Variants in LAMA5 observed in about 807,000 individuals in gnomAD.
LAMA5 encodes laminin subunit alpha-5.
LAMA5 carries 260 observed loss-of-function variants against 433.4 expected under a neutral mutation model. The observed-to-expected ratio is 0.60, with a 90% confidence interval of 0.54 to 0.66. LAMA5 has a LOEUF of 0.66. LAMA5 is among the 30% of genes least tolerant of loss of function. LAMA5 has a pLI of 0.00. For missense variants in LAMA5, 5,378 were observed against 5,258.5 expected, an observed-to-expected ratio of 1.02 and a Z score of -0.70; for synonymous variants, 2,620 against 2,226.6, an observed-to-expected ratio of 1.18 and a Z score of -4.97.
rs371152952 is a variant in LAMA5, at chr20:62,317,010, C to T, written c.7525G>A (p.Val2509Ile). The change falls in exon 56 of 80, where the codon GTC becomes ATC. Residue 2509 changes from valine (V) to isoleucine (I), a missense_variant. Physicochemically the swap from Val to Ile is conservative, Grantham distance 29. Transcript: ENST00000252999. ...ALNLSSIILD[V>I]NQDRLTQRAI... ...CTCTGGGTGAGGCGGTCCTGGTTGA[C>T]GTCCAGGATGATGCTGCAGCGGAAG... 32 of 1,533,330 alleles carry T rather than the reference C, an allele frequency of 2.1e-5. No homozygotes were observed. Among genetic ancestry groups the T allele is most frequent in the East Asian group, 2.1e-4 (9 of 43,768 alleles). The allele number at this position is 1,533,330 out of a possible 1,614,324, so 95.0% of individuals were successfully genotyped here. A position where few individuals can be genotyped will look rare whatever the true frequency, so the allele number is the denominator to read the frequency against.
intron 57 of LAMA5, 87 bp downstream of exon 57, chr20:62,316,584 A>T: frequency 1.9e-6 from 2 of 1,026,638 alleles, no homozygotes; most frequent in Non-Finnish European, 1.4e-6. Context: ...CACAAACCCC[A>T]CGTGTGCATG....
At position 62,333,666 on chromosome 20, in the gene LAMA5, C is replaced by A; in HGVS notation, c.2919G>T (p.Thr973=). The change falls in exon 24 of 80, where the codon ACG becomes ACT. Residue 973 remains threonine (T), a synonymous_variant. Transcript: ENST00000252999. The part of the protein sequence containing the change: ...QSQPVAFPPS[T]EPAFITVPQR... ...GGGGCACGGTGATGAAGGCAGGCTC[C>A]GTGCTGGGTGGGAAGGCCACGGGCT... is the stretch of plus-strand genomic sequence containing the variant. 1 of 1,594,942 alleles carries A rather than the reference C, an allele frequency of 6.3e-7. No individual in the cohort carries two copies.
At chr20:62,364,099 C>A (rs1048610986) in intron 1 of LAMA5, among the ~76,000 whole-genome samples, 1 of 152,342 alleles carries the variant, frequency 6.6e-6, no homozygotes, top group Admixed American at 6.5e-5. Context: ...CCCCAGCTCA[C>A]CACCTAAGCA....
intron 40 of LAMA5, 24 bp downstream of exon 40, chr20:62,326,653 G>T (rs756389363): frequency 1.3e-6 from 2 of 1,599,038 alleles, no homozygotes; most frequent in Non-Finnish European, 8.6e-7. Flanking sequence ...GAGGGACCTG[G>T]GTGCCCAAGC....
intron 18 of LAMA5, among the ~76,000 whole-genome samples, chr20:62,335,606 G>A (rs1981441033): frequency 7.8e-6 from 1 of 127,776 alleles, no homozygotes; most frequent in African/African-American, 3.2e-5. Flanking sequence ...ACACCCTCAT[G>A]GGTACAATCC....
At position 62,314,540 on chromosome 20, in the gene LAMA5, C is replaced by A; in HGVS notation, c.8367+15G>T. 1 of 1,605,990 alleles carries A rather than the reference C, an allele frequency of 6.2e-7. No individual in the cohort carries two copies. Among genetic ancestry groups the A allele is most frequent in the South Asian group, 1.1e-5 (1 of 90,632 alleles). On this transcript the variant is annotated intron_variant, in intron 61 of 79. Coordinates refer to ENST00000252999, the MANE Select transcript of LAMA5 (RefSeq NM_005560.6). Reference sequence around the variant, plus strand: ...AGCCTGAGCTCGGGCCGCATCCACCCAGCCAGCCTGGTACCTGGCGGCTGC... The same window carrying A: ...AGCCTGAGCTCGGGCCGCATCCACCAAGCCAGCCTGGTACCTGGCGGCTGC...
chr20:62,322,058 C>T lies in LAMA5; in HGVS notation c.6457G>A (p.Val2153Ile), dbSNP rs997126869. 5 of 1,599,822 alleles carry T rather than the reference C, an allele frequency of 3.1e-6. No individual in the cohort carries two copies. Among genetic ancestry groups the T allele is most frequent in the Non-Finnish European group, 4.2e-6 (5 of 1,179,476 alleles). ...CTGTGGCCCACAGGCCCGCCTGGAA[C>T]AGGCACCTGATGCTGCTGGCTGCAG... ...DTCSQQHQVP[V>I]PGGPVGHSIH... is the part of the protein sequence containing the mutation. Residue 2153 changes from valine (V) to isoleucine (I), a missense_variant, in exon 48 of 80, where the codon GTT (valine) becomes ATT (isoleucine). Val to Ile is a conservative substitution (Grantham distance 29). Coordinates refer to ENST00000252999, the MANE Select transcript of LAMA5 (RefSeq NM_005560.6).
Position 62,322,683 on chromosome 20 carries a change from G to A in LAMA5, c.6140C>T (p.Thr2047Ile), listed in dbSNP as rs1203969019. The A allele has an allele frequency of 8.3e-6, 12 of 1,438,232 alleles. No homozygotes were observed. The Admixed American group carries it at 1.9e-4, about 23-fold the overall frequency. 89.1% of individuals were successfully genotyped at this position (1,438,232 alleles called of 1,614,324 possible). ...CTGGCAGCGGTCACAGCGCCGCCCA[G>A]TCACGCCCGCCTTGCACAGGCAGTG... Reference protein sequence around the residue: ...SGHCLCKAGVTGRRCDRCQEG... With the variant: ...SGHCLCKAGVIGRRCDRCQEG... Residue 2047 changes from threonine to isoleucine, a missense_variant, in exon 46 of 80, where the codon ACT becomes ATT. Transcript: ENST00000252999.
Position 62,334,514 on chromosome 20 carries a change from G to T in LAMA5, c.2582+8C>A, listed in dbSNP as rs1981170163. ...CTCCCCACCACCCAGTGGGGAAGGG[G>T]TACCCACTCGCTGCAGGTGGGGCCC... On this transcript the variant is annotated splice_region_variant and intron_variant, in intron 21 of 79. Transcript: ENST00000252999. 6.5e-7 allele frequency: 1 copy of T among 1,546,538 alleles called. No individual in the cohort carries two copies. Among genetic ancestry groups the T allele is most frequent in the Non-Finnish European group, 8.7e-7 (1 of 1,145,716 alleles).
intron 51 of LAMA5, 97 bp downstream of exon 51, chr20:62,319,587 C>A: frequency 1.2e-6 from 1 of 820,214 alleles, no homozygotes; most frequent in Non-Finnish European, 2.0e-6. Context: ...ACAGATCCTG[C>A]CTGTTCTTCC....
At chr20:62,341,646 G>C (rs1009266472) in intron 11 of LAMA5, among the ~76,000 whole-genome samples, 1 of 152,012 alleles carries the variant, frequency 6.6e-6, no homozygotes, top group African/African-American at 2.4e-5. Flanking sequence ...AATAACTCAA[G>C]AAGCTATTTT....
rs200954816 is a variant in LAMA5, at chr20:62,310,588, G to T, written c.10447-16C>A. 1 of 1,566,900 alleles carries T rather than the reference G, an allele frequency of 6.4e-7. No individual in the cohort carries two copies. The highest frequency in any genetic ancestry group is 1.2e-5 in the South Asian group (1 of 83,784). ...CGACGGTCACCTATAGGAGCAGACC[G>T]GGCAGGGATCAGGGCCCAGGGCAGC... On this transcript the variant is annotated splice_polypyrimidine_tract_variant and intron_variant, in intron 75 of 79. Transcript: ENST00000252999.
intron 11 of LAMA5, among the ~76,000 whole-genome samples, chr20:62,341,678 A>C (rs1017625573): frequency 6.6e-6 from 1 of 152,196 alleles, no homozygotes; most frequent in Non-Finnish European, 1.5e-5. Flanking sequence ...AAATCAAAGA[A>C]AGTGGATTAA....
In LAMA5 at chr20:62,320,655, G is replaced by C. The variant is rs145502915; in HGVS notation, c.6663C>G (p.Ser2221Arg). The C allele has an allele frequency of 6.8e-6, 11 of 1,608,372 alleles. No individual in the cohort carries two copies. The South Asian group carries it at 9.9e-5, about 15-fold the overall frequency. ...CCGTCTCATGGCGGGGGCCCAGGGG[G>C]CTCCGGAGCTGGCTCTGTGGGAGGC... ...SIADLQSQLR[S>R]PLGPRHETAQ... Residue 2221 changes from serine to arginine, a missense_variant, in exon 50 of 80, where the codon AGC (serine) becomes AGG (arginine). Coordinates refer to ENST00000252999, the MANE Select transcript of LAMA5 (RefSeq NM_005560.6).
At position 62,322,286 on chromosome 20, in the gene LAMA5, G is replaced by A. The variant is rs759093769; in HGVS notation, c.6329C>T (p.Pro2110Leu). 2.5e-6 allele frequency: 4 copies of A among 1,598,778 alleles called. No individual in the cohort carries two copies. The South Asian group carries it at 4.5e-5, about 18-fold the overall frequency. Residue 2110 changes from proline to leucine, a missense_variant, in exon 47 of 80, where the codon CCT (proline) becomes CTT (leucine). Pro to Leu is a moderately conservative substitution (Grantham distance 98). Coordinates refer to ENST00000252999, the MANE Select transcript of LAMA5 (RefSeq NM_005560.6). ...GCACTCACGCCTGCAGCCCTGCTCA[G>A]GGAGCCCCCAGTAGCCAGGGGCACA... ...RECAPGYWGLPEQGCRRCQCP... is the reference protein window; with the variant it reads ...RECAPGYWGLLEQGCRRCQCP...
At chr20:62,352,855 A>C (rs1442479422) in intron 3 of LAMA5, 1 of 420,386 alleles carries the variant, frequency 2.4e-6, no homozygotes, top group African/African-American at 2.0e-5. Flanking sequence ...TTTTGTCACC[A>C]CGGGAGCTGC....
At chr20:62,339,394 C>T (rs1342857302) in intron 11 of LAMA5, among the ~76,000 whole-genome samples, 1 of 151,842 alleles carries the variant, frequency 6.6e-6, no homozygotes, top group Non-Finnish European at 1.5e-5. Context: ...CACGCTGCCA[C>T]GCCCGGCTAA....
At chr20:62,328,797 T>C (rs1243331885) in intron 34 of LAMA5, 47 bp downstream of exon 34, 1 of 1,573,134 alleles carries the variant, frequency 6.4e-7, no homozygotes, top group Admixed American at 1.8e-5. Flanking sequence ...CCTTGGGCTC[T>C]GGCACCAACT....
Position 62,313,711 on chromosome 20 carries a change from G to T in LAMA5, c.8596C>A (p.Leu2866Met). 6.2e-7 allele frequency: 1 copy of T among 1,612,890 alleles called. No individual in the cohort carries two copies. The highest frequency in any genetic ancestry group is 8.5e-7 in the Non-Finnish European group (1 of 1,179,964). ...GDTVAPGAEGLLNLRPDDFVF... is the reference protein window; with the variant it reads ...GDTVAPGAEGMLNLRPDDFVF... ...AAGTCGTCTGGCCGCAGGTTGAGCAGCCCCTCTGCCCCAGGGGCCACCGTG... is the reference window on the plus strand; with the variant it reads ...AAGTCGTCTGGCCGCAGGTTGAGCATCCCCTCTGCCCCAGGGGCCACCGTG... Residue 2866 changes from leucine to methionine, a missense_variant, in exon 63 of 80, where the codon CTG becomes ATG. Leu to Met is a conservative substitution (Grantham distance 15, BLOSUM62 2). Transcript: ENST00000252999.
Sources: gnomAD v4.1 joint callset for allele counts (sites outside exome capture counted in the v4.1 genomes callset) on GRCh38, gnomAD v4.1.1 for gene constraint, MANE v1.5 for transcripts, NCBI Gene and HGNC (gene_info 2026-07-23, HGNC 2026-07-21) for gene names.